PCDHGB1: variants seen among roughly 807,000 people sequenced by gnomAD.
The protein encoded by PCDHGB1 is protocadherin gamma subfamily B, 1.
A neutral mutation model predicts 56.6 loss-of-function variants in PCDHGB1; 34 were observed. The ratio of observed to expected loss-of-function variants is 0.60; its 90% CI spans 0.46 to 0.80. The LOEUF (loss-of-function observed/expected upper bound fraction) is 0.80. Ranked by LOEUF, PCDHGB1 falls within the 30% of genes least tolerant of loss-of-function variation. The pLI is 0.00. For synonymous variants in PCDHGB1, 561 were observed against 505.9 expected, an observed-to-expected ratio of 1.11 and a Z score of -1.46; for missense variants, 1,278 against 1,204.6, an observed-to-expected ratio of 1.06 and a Z score of -0.90.
At chr5:141,494,524 C>T (rs2099754936) in intron 1 of PCDHGB1, among the ~76,000 whole-genome samples, 1 of 152,156 alleles carries the variant, frequency 6.6e-6, no homozygotes, top group African/African-American at 2.4e-5. Flanking sequence ...GGAGTTCTGA[C>T]TCTGGGGGCA....
At chr5:141,380,525 A>T (rs904711647) in intron 1 of PCDHGB1, among the ~76,000 whole-genome samples, 3 of 152,206 alleles carry the variant, frequency 2.0e-5, no homozygotes, top group Non-Finnish European at 1.5e-5. Context: ...CTATGAAATG[A>T]TTTCAATTTG....
chr5:141,375,428 C>T, intron 1 of PCDHGB1: 1 of 1,613,984 alleles, frequency 6.2e-7, no homozygotes, highest in Non-Finnish European at 8.5e-7. Flanking sequence ...CAACGACAAC[C>T]CGCCCACCTT....
chr5:141,491,438 G>T lies in PCDHGB1; in HGVS notation c.2410-3369G>T, dbSNP rs376927300. 3.7e-6 allele frequency: 6 copies of T among 1,613,948 alleles called. No homozygotes were observed. The African/African-American group carries it at 4.0e-5, about 11-fold the overall frequency. ...GGGGGTGGAGGGCAGTGCTGCAGGCGCCAGGACTCACCCTCCCCGGACTTC... is the reference window on the plus strand; with the variant it reads ...GGGGGTGGAGGGCAGTGCTGCAGGCTCCAGGACTCACCCTCCCCGGACTTC... On this transcript the variant is annotated intron_variant, in intron 1 of 3. Transcript: ENST00000523390. The surrounding 1 kb of genome is among the most constrained non-coding windows in gnomAD (Gnocchi z 6.9).
chr5:141,481,021 GC>G (rs2099529893), intron 1 of PCDHGB1, among the ~76,000 whole-genome samples: 1 of 152,076 alleles, frequency 6.6e-6, no homozygotes, highest in Non-Finnish European at 1.5e-5. Context: ...TCACACCACT[GC>G]ACTCCAGCCT....
intron 1 of PCDHGB1, chr5:141,355,809 G>A: frequency 6.2e-7 from 1 of 1,613,206 alleles, no homozygotes; most frequent in South Asian, 1.1e-5. Flanking sequence ...TAGATCGCGA[G>A]GAAGAGGCGG....
chr5:141,364,676 AT>A, intron 1 of PCDHGB1: 2 of 1,614,002 alleles, frequency 1.2e-6, no homozygotes, highest in South Asian at 2.2e-5. Context: ...CAAAATGAAA[AT>A]TTATGGAGTA....
intron 2 of PCDHGB1, among the ~76,000 whole-genome samples, chr5:141,502,109 C>G (rs2099812899): frequency 1.3e-5 from 2 of 152,182 alleles, no homozygotes; most frequent in Admixed American, 1.3e-4. Flanking sequence ...ACCCTGCACC[C>G]TCAGCCAGGC....
intron 1 of PCDHGB1, among the ~76,000 whole-genome samples, chr5:141,480,960 A>G (rs954219522): frequency 1.3e-5 from 2 of 152,190 alleles, no homozygotes; most frequent in African/African-American, 4.8e-5. Context: ...CGGAAGCATC[A>G]GTGAGGGAGA....
intron 1 of PCDHGB1, among the ~76,000 whole-genome samples, chr5:141,368,814 T>C (rs1765871843): frequency 6.6e-6 from 1 of 152,218 alleles, no homozygotes; most frequent in South Asian, 2.1e-4. Context: ...GAAGTGTTCA[T>C]ACAATGAACA....
In PCDHGB1 at chr5:141,491,908, G is replaced by T; in HGVS notation, c.2410-2899G>T. ...GGGGCTCCGAGCACCGGGGGTGGTG[G>T]CGACTGTGGGCGAGGGGAGGTGGGA... On this transcript the variant is annotated intron_variant, in intron 1 of 3. Transcript: ENST00000523390. The surrounding 1 kb of genome is among the most constrained non-coding windows in gnomAD (Gnocchi z 6.9). 7.1e-7 allele frequency: 1 copy of T among 1,408,288 alleles called. No homozygotes were observed. Among genetic ancestry groups the T allele is most frequent in the Non-Finnish European group, 9.4e-7 (1 of 1,060,836 alleles). The allele number at this position is 1,408,288 out of a possible 1,614,324, so 87.2% of individuals were successfully genotyped here. A position where few individuals can be genotyped will look rare whatever the true frequency, so the allele number is the denominator to read the frequency against.
intron 1 of PCDHGB1, chr5:141,418,230 A>T (rs745395585): frequency 6.2e-7 from 1 of 1,614,058 alleles, no homozygotes; most frequent in Non-Finnish European, 8.5e-7. Context: ...GTGGTGATTG[A>T]GGATGTTAAT....
Position 141,350,934 on chromosome 5 carries a change from T to G in PCDHGB1, c.674T>G (p.Ile225Ser), listed in dbSNP as rs1168998921. 13 of 1,613,984 alleles carry G rather than the reference T, an allele frequency of 8.1e-6. No homozygotes were observed. The highest frequency in any genetic ancestry group is 1.0e-5 in the Non-Finnish European group (12 of 1,179,912). ...CCGCCTCTAAGCGGCACCACCCATA[T>G]CTGGATCCGAGTTACGGATGCCAAT... is the stretch of plus-strand genomic sequence containing the variant. ...GDPPLSGTTH[I>S]WIRVTDANDN... is the part of the protein sequence containing the mutation. Residue 225 changes from isoleucine to serine, a missense_variant, in exon 1 of 4, where the codon ATC becomes AGC. Ile to Ser is a moderately radical substitution (Grantham distance 142). Transcript: ENST00000523390.
Position 141,485,181 on chromosome 5 carries a change from G to C in PCDHGB1, c.2410-9626G>C. 1 of 1,612,942 alleles carries C rather than the reference G, an allele frequency of 6.2e-7. No individual in the cohort carries two copies. Among genetic ancestry groups the C allele is most frequent in the East Asian group, 2.2e-5 (1 of 44,868 alleles). On this transcript the variant is annotated intron_variant, in intron 1 of 3. Transcript: ENST00000523390. This position sits in a 1 kb window ranked among gnomAD's most constrained non-coding sequence, Gnocchi z 5.7. ...AATTAGCGGGCGGCAGCAATGCTCC[G>C]CAAGGTGAGAAGCTGGACAGAAATC...
intron 1 of PCDHGB1, among the ~76,000 whole-genome samples, chr5:141,373,236 T>A (rs1331345461): frequency 2.6e-5 from 4 of 152,248 alleles, no homozygotes; most frequent in African/African-American, 9.6e-5. Context: ...ATAATATTTT[T>A]ACTTCCCTTT....
intron 1 of PCDHGB1, among the ~76,000 whole-genome samples, chr5:141,462,125 A>AT (rs1561991410): frequency 6.6e-6 from 1 of 151,688 alleles, no homozygotes; most frequent in African/African-American, 2.4e-5. Context: ...ACCCAGTCCA[A>AT]TTTTTTGTAT....
At chr5:141,353,983 T>A (rs914733531) in intron 1 of PCDHGB1, among the ~76,000 whole-genome samples, 3 of 152,236 alleles carry the variant, frequency 2.0e-5, no homozygotes, top group Admixed American at 1.3e-4. Context: ...CTGCTTTATC[T>A]CAAATTTTCA....
intron 1 of PCDHGB1, chr5:141,389,736 G>A: frequency 6.2e-7 from 1 of 1,612,710 alleles, no homozygotes; most frequent in Non-Finnish European, 8.5e-7. Flanking sequence ...CTTCAGCCTG[G>A]GGCTGCGCAC....
chr5:141,449,693 G>A (rs2098652097), intron 1 of PCDHGB1, among the ~76,000 whole-genome samples: 1 of 150,164 alleles, frequency 6.7e-6, no homozygotes, highest in South Asian at 2.1e-4. Flanking sequence ...TTGTGTGTAT[G>A]TACACAAACA....
intron 1 of PCDHGB1, chr5:141,418,804 T>C (rs368948947): frequency 3.3e-5 from 54 of 1,613,718 alleles, no homozygotes; most frequent in African/African-American, 5.3e-5. Flanking sequence ...TAGAAAGATA[T>C]ACGATAAACA....
Sources: gnomAD v4.1 joint callset for allele counts (sites outside exome capture counted in the v4.1 genomes callset) on GRCh38, gnomAD v4.1.1 for gene constraint, Gnocchi (gnomAD v3.1) non-coding constraint, MANE v1.5 for transcripts, NCBI Gene and HGNC (gene_info 2026-07-23, HGNC 2026-07-21) for gene names.